Variants in PAPPA observed in about 807,000 individuals in gnomAD.
PAPPA encodes the protein pappalysin-1.
PAPPA carries 60 observed loss-of-function variants against 164.0 expected under a neutral mutation model. That is an observed-to-expected ratio of 0.37 (90% CI 0.30 to 0.45). The LOEUF (loss-of-function observed/expected upper bound fraction) is 0.45, where lower values mean the gene tolerates loss of function less well. PAPPA is among the 20% of genes least tolerant of loss of function. The probability of loss-of-function intolerance (pLI) is 1.00; values close to 1 mark genes in which losing one functional copy is unlikely to be tolerated. For missense variants in PAPPA, 1,782 were observed against 2,087.3 expected, an observed-to-expected ratio of 0.85 and a Z score of 2.85; for synonymous variants, 875 against 814.1, an observed-to-expected ratio of 1.07 and a Z score of -1.27.
At chr9:116,243,166 T>A (rs976463146) in intron 7 of PAPPA, among the ~76,000 whole-genome samples, 7 of 152,206 alleles carry the variant, frequency 4.6e-5, no homozygotes, top group Non-Finnish European at 7.3e-5. Flanking sequence ...ATTCTTCTTT[T>A]ATGTATTGAT....
intron 2 of PAPPA, among the ~76,000 whole-genome samples, chr9:116,203,860 A>T (rs1163761153): frequency 6.6e-6 from 1 of 152,138 alleles, no homozygotes; most frequent in Non-Finnish European, 1.5e-5. Context: ...AAGGCAGAGG[A>T]GGGAAACTAA....
intron 1 of PAPPA, among the ~76,000 whole-genome samples, chr9:116,169,251 A>G (rs974580630): frequency 3.5e-5 from 5 of 143,448 alleles, no homozygotes; most frequent in Non-Finnish European, 6.0e-5. Flanking sequence ...CCAGTATACC[A>G]TCTATGCCAG....
intron 1 of PAPPA, among the ~76,000 whole-genome samples, chr9:116,161,894 G>A (rs1366022301): frequency 1.3e-5 from 2 of 152,150 alleles, no homozygotes; most frequent in Non-Finnish European, 2.9e-5. Context: ...GCCACAGGAG[G>A]AAGTGAAGTC....
intron 2 of PAPPA, among the ~76,000 whole-genome samples, chr9:116,190,966 C>T (rs1844035100): frequency 6.6e-6 from 1 of 151,566 alleles, no homozygotes; most frequent in Non-Finnish European, 1.5e-5. Context: ...CAGACAGAAA[C>T]CTGTGGAAGG....
chr9:116,211,268 A>G (rs1004764292), intron 3 of PAPPA, among the ~76,000 whole-genome samples: 5 of 152,206 alleles, frequency 3.3e-5, no homozygotes, highest in African/African-American at 9.7e-5. Context: ...TGGAAATAAG[A>G]GTAGGCCTTA....
intron 5 of PAPPA, among the ~76,000 whole-genome samples, chr9:116,224,317 C>T (rs1325764899): frequency 6.6e-6 from 1 of 152,144 alleles, no homozygotes; most frequent in African/African-American, 2.4e-5. Context: ...TGACAATTGG[C>T]CATGGTATAT....
intron 5 of PAPPA, among the ~76,000 whole-genome samples, chr9:116,220,684 C>T (rs1019979535): frequency 2.0e-5 from 3 of 151,526 alleles, no homozygotes; most frequent in Admixed American, 1.3e-4. Context: ...GTCAGGAGTT[C>T]GAGACCAGCC....
At chr9:116,223,847 C>T (rs972138889) in intron 5 of PAPPA, among the ~76,000 whole-genome samples, 1 of 152,188 alleles carries the variant, frequency 6.6e-6, no homozygotes, top group Non-Finnish European at 1.5e-5. Flanking sequence ...TTGAGCAAAG[C>T]CATCTCACCT....
chr9:116,361,617 G>C (rs1156880579), intron 17 of PAPPA, among the ~76,000 whole-genome samples: 1 of 152,092 alleles, frequency 6.6e-6, no homozygotes, highest in Non-Finnish European at 1.5e-5. Context: ...CCTCTAAGAG[G>C]CCTTCCCTGA....
chr9:116,263,230 G>A (rs1021177328), intron 7 of PAPPA, among the ~76,000 whole-genome samples: 4 of 152,208 alleles, frequency 2.6e-5, no homozygotes, highest in Admixed American at 6.5e-5. Context: ...GGATAAGAAG[G>A]AGGTCGGTGG....
At chr9:116,190,825 G>A (rs567160914) in intron 2 of PAPPA, among the ~76,000 whole-genome samples, 4 of 152,296 alleles carry the variant, frequency 2.6e-5, no homozygotes, top group South Asian at 2.1e-4. Flanking sequence ...AGCTATAACC[G>A]CTGTGACCAG....
intron 19 of PAPPA, among the ~76,000 whole-genome samples, chr9:116,374,170 TTGATGATGA>T (rs201692119): frequency 5.0e-5 from 7 of 139,546 alleles, no homozygotes; most frequent in East Asian, 2.1e-4. Context: ...GGTGGTGGTG[TTGATGATGA>T]TGATGGTGGT....
chr9:116,377,041 G>C (rs972180150), intron 19 of PAPPA, among the ~76,000 whole-genome samples: 1 of 152,114 alleles, frequency 6.6e-6, no homozygotes, highest in Admixed American at 6.6e-5. Context: ...TCCAAAGCAG[G>C]TCTGAGGAAT....
rs756632144 is a variant in PAPPA, at chr9:116,362,748, G to A, written c.4495+9G>A. On this transcript the variant is annotated intron_variant, in intron 18 of 21. Transcript: ENST00000328252. ...TGATGGCTATGCCATAGGTATGATG[G>A]GCCCGAGAGGGGAGCAGTAGGAGGG... 7 of 1,609,370 alleles carry A rather than the reference G, an allele frequency of 4.3e-6. No individual in the cohort carries two copies. The highest frequency in any genetic ancestry group is 5.9e-6 in the Non-Finnish European group (7 of 1,177,488).
rs1407784765 is a variant in PAPPA at position 116,227,451 on chromosome 9, A to C, written c.2132A>C (p.His711Pro). 1.2e-6 allele frequency: 2 copies of C among 1,613,972 alleles called. No homozygotes were observed. Among genetic ancestry groups the C allele is most frequent in the Non-Finnish European group, 1.7e-6 (2 of 1,179,948 alleles). ...CCTAGAGAATTGGGATCAGCATGTC[A>C]TCTTTGCCTGGAAGGGAGAATCCTG... The part of the protein sequence containing the change: ...FFERELGSAC[H>P]LCLEGRILVQ... The change falls in exon 6 of 22, where the codon CAT becomes CCT. Residue 711 changes from histidine to proline, a missense_variant. This residue lies in a region of PAPPA where 1,324 missense variants were observed against 1,656.9 expected (regional missense o/e 0.80). Coordinates refer to ENST00000328252, the MANE Select transcript of PAPPA (RefSeq NM_002581.5).
chr9:116,180,382 A>G (rs984439315), intron 1 of PAPPA, among the ~76,000 whole-genome samples: 22 of 151,866 alleles, frequency 1.4e-4, no homozygotes, highest in Admixed American at 3.9e-4. Flanking sequence ...GATTCTCCCA[A>G]TCCCTCGCTG....
intron 10 of PAPPA, among the ~76,000 whole-genome samples, chr9:116,305,849 A>G (rs1287419692): frequency 6.6e-6 from 1 of 152,198 alleles, no homozygotes; most frequent in Non-Finnish European, 1.5e-5. Flanking sequence ...ACAGGCAGAA[A>G]GACTCCTAGA....
chr9:116,261,382 T>A (rs1189245396), intron 7 of PAPPA, among the ~76,000 whole-genome samples: 1 of 152,170 alleles, frequency 6.6e-6, no homozygotes, highest in Non-Finnish European at 1.5e-5. Flanking sequence ...AAGCAAAATG[T>A]GATGTTTCCA....
intron 1 of PAPPA, among the ~76,000 whole-genome samples, chr9:116,155,219 C>G (rs927534660): frequency 6.6e-6 from 1 of 152,158 alleles, no homozygotes; most frequent in Non-Finnish European, 1.5e-5. Flanking sequence ...ACCTTCCTAA[C>G]GCATACCCCG....
Sources: allele counts gnomAD v4.1 joint callset (sites outside exome capture counted in the v4.1 genomes callset), GRCh38; gene constraint gnomAD v4.1.1; regional missense constraint gnomAD v4.1.1; transcripts MANE v1.5; gene names NCBI Gene and HGNC (gene_info 2026-07-23, HGNC 2026-07-21).